The following MED13L variants were observed in gnomAD, a reference collection of about 807,000 sequenced individuals.
MED13L encodes mediator complex subunit 13L, also known as mediator of RNA polymerase II transcription subunit 13-like.
In MED13L, 7 loss-of-function variants were observed where a neutral mutation model predicts 220.9. That is an observed-to-expected ratio of 0.03 (90% CI 0.02 to 0.06). MED13L has a LOEUF of 0.06. MED13L is among the 10% of genes least tolerant of loss of function. MED13L has a pLI of 1.00. For missense variants in MED13L, 1,965 were observed against 2,760.5 expected (o/e 0.71, Z 6.46); for synonymous variants, 1,011 against 1,015.2 (o/e 1.00, Z 0.08).
chr12:116,179,515 G>A (rs1880347855), intron 2 of MED13L, among the ~76,000 whole-genome samples: 1 of 151,848 alleles, frequency 6.6e-6, no homozygotes, highest in Non-Finnish European at 1.5e-5. Flanking sequence ...TACTTGGGAG[G>A]CTGAGGCCGG....
intron 1 of MED13L, among the ~76,000 whole-genome samples, chr12:116,249,161 C>A (rs1256047373): frequency 6.6e-6 from 1 of 152,164 alleles, no homozygotes; most frequent in Non-Finnish European, 1.5e-5. Context: ...TCACCTAAAG[C>A]TGGGAGGCAG....
intron 2 of MED13L, among the ~76,000 whole-genome samples, chr12:116,163,231 T>G (rs1314389744): frequency 2.0e-5 from 3 of 152,160 alleles, no homozygotes; most frequent in African/African-American, 4.8e-5. Context: ...CAGAGGCAGG[T>G]ATTTACAAAT....
At chr12:116,070,480 C>A (rs1555256575) in intron 4 of MED13L, among the ~76,000 whole-genome samples, 1 of 152,094 alleles carries the variant, frequency 6.6e-6, no homozygotes, top group Non-Finnish European at 1.5e-5. Context: ...TGAACTAAAA[C>A]AGAGAGGTTA....
At chr12:116,165,009 G>A (rs971534092) in intron 2 of MED13L, among the ~76,000 whole-genome samples, 12 of 152,284 alleles carry the variant, frequency 7.9e-5, no homozygotes, top group African/African-American at 2.6e-4. Flanking sequence ...GCTTCCAAAA[G>A]CATATCTGCA....
In MED13L at chr12:116,277,172, A is replaced by G. The variant is rs889781088; in HGVS notation, c.-41T>C. ...CGGCCGCCAGAGCGGGGCATGTCGG[A>G]GCGAGGCGTCCGAGGCGAGGCCGGG... On this transcript the variant is annotated 5_prime_UTR_variant, in exon 1 of 31. Transcript: ENST00000281928. The G allele has an allele frequency of 2.7e-6, 4 of 1,488,600 alleles. No individual in the cohort carries two copies. Among genetic ancestry groups the G allele is most frequent in the Admixed American group, 2.1e-5 (1 of 47,798 alleles). The allele number at this position is 1,488,600 out of a possible 1,614,324, so 92.2% of individuals were successfully genotyped here.
intron 17 of MED13L, among the ~76,000 whole-genome samples, chr12:115,989,575 G>T (rs1877919445): frequency 6.6e-6 from 1 of 151,878 alleles, no homozygotes; most frequent in Non-Finnish European, 1.5e-5. Context: ...TGAGCAAAAG[G>T]CCCAAGAGTC....
In MED13L at chr12:116,020,133, A is replaced by T. The variant is rs1008829004; in HGVS notation, c.626-161T>A. On this transcript the variant is annotated intron_variant, in intron 5 of 30. Transcript: ENST00000281928. Reference sequence around the variant, plus strand: ...AGTATGATTTAAAAGAAATTTTTTTAAAAATTATTTTTGTAGAGACTGGGT... The same window carrying T: ...AGTATGATTTAAAAGAAATTTTTTTTAAAATTATTTTTGTAGAGACTGGGT... Among the ~76,000 whole-genome samples the T allele has an allele frequency of 7.9e-5, 12 of 152,284 alleles. No homozygotes were observed. In the East Asian group the frequency reaches 1.5e-3, roughly 20 times the overall value.
intron 4 of MED13L, among the ~76,000 whole-genome samples, chr12:116,043,839 T>C (rs1416365135): frequency 6.6e-6 from 1 of 152,220 alleles, no homozygotes; most frequent in Non-Finnish European, 1.5e-5. Flanking sequence ...TAGAAAGGCA[T>C]GTATTTTATT....
chr12:116,213,084 G>C (rs147151136), intron 2 of MED13L, among the ~76,000 whole-genome samples: 3 of 152,260 alleles, frequency 2.0e-5, no homozygotes, highest in Non-Finnish European at 4.4e-5. Context: ...GAAGCATAAA[G>C]CCTACTGCTC....
intron 9 of MED13L, among the ~76,000 whole-genome samples, chr12:116,009,723 T>A (rs554106173): frequency 1.3e-5 from 2 of 152,306 alleles, no homozygotes; most frequent in Admixed American, 6.5e-5. Context: ...AAAGACAACT[T>A]TGGATCTTAC....
intron 4 of MED13L, among the ~76,000 whole-genome samples, chr12:116,084,531 G>A (rs1486887098): frequency 6.6e-6 from 1 of 152,106 alleles, no homozygotes; most frequent in African/African-American, 2.4e-5. Context: ...TTAAAGCCCA[G>A]AAATATTATT....
At chr12:116,188,955 T>G (rs187980074) in intron 2 of MED13L, among the ~76,000 whole-genome samples, 3 of 152,318 alleles carry the variant, frequency 2.0e-5, no homozygotes, top group East Asian at 3.9e-4. Context: ...GTTTAACCTT[T>G]CATCTGCTGA....
At chr12:116,145,782 C>G (rs1877452542) in intron 2 of MED13L, among the ~76,000 whole-genome samples, 1 of 151,822 alleles carries the variant, frequency 6.6e-6, no homozygotes, top group Non-Finnish European at 1.5e-5. Flanking sequence ...CTGCCTTGGT[C>G]TCCCCAAGCG....
At chr12:115,989,421 C>A (rs1877909979) in intron 17 of MED13L, among the ~76,000 whole-genome samples, 1 of 152,036 alleles carries the variant, frequency 6.6e-6, no homozygotes, top group Non-Finnish European at 1.5e-5. Context: ...GCTCACGCTT[C>A]TCTGCCTCAC....
intron 2 of MED13L, among the ~76,000 whole-genome samples, chr12:116,211,981 G>A (rs1230389641): frequency 1.3e-5 from 2 of 151,866 alleles, no homozygotes; most frequent in Non-Finnish European, 2.9e-5. Flanking sequence ...TTGAAATAAT[G>A]AAAAAAACAT....
chr12:116,159,988 T>C (rs1011179458), intron 2 of MED13L, among the ~76,000 whole-genome samples: 10 of 152,220 alleles, frequency 6.6e-5, no homozygotes, highest in Non-Finnish European at 1.2e-4. Context: ...ACTCACTACA[T>C]GCTTCTGGCC....
chr12:116,262,134 G>A (rs529064003), intron 1 of MED13L, among the ~76,000 whole-genome samples: 1 of 152,138 alleles, frequency 6.6e-6, no homozygotes, highest in African/African-American at 2.4e-5. Flanking sequence ...TTAAAGAAAA[G>A]GTAAATTTAA....
chr12:116,086,533 C>T (rs1020696418), intron 4 of MED13L, among the ~76,000 whole-genome samples: 1 of 152,054 alleles, frequency 6.6e-6, no homozygotes, highest in Non-Finnish European at 1.5e-5. Flanking sequence ...CTGCCTGTCT[C>T]GGCCTCCCAA....
intron 2 of MED13L, among the ~76,000 whole-genome samples, chr12:116,171,945 C>G (rs1879709697): frequency 6.6e-6 from 1 of 152,180 alleles, no homozygotes; most frequent in East Asian, 1.9e-4. Context: ...CATAAATACT[C>G]GCTGTCCCTC....
Sources: allele counts gnomAD v4.1 joint callset (sites outside exome capture counted in the v4.1 genomes callset), GRCh38; gene constraint gnomAD v4.1.1; transcripts MANE v1.5; gene names NCBI Gene and HGNC (gene_info 2026-07-23, HGNC 2026-07-21).